Variants in PTPRN2 observed in about 807,000 individuals in gnomAD.
PTPRN2 encodes the protein receptor-type tyrosine-protein phosphatase N2.
PTPRN2 carries 74 observed loss-of-function variants against 118.8 expected under a neutral mutation model. That is an observed-to-expected ratio of 0.62 (90% CI 0.52 to 0.76). PTPRN2 has a LOEUF of 0.76. Ranked by LOEUF, PTPRN2 falls within the 30% of genes least tolerant of loss-of-function variation. The pLI, the probability that PTPRN2 is intolerant of heterozygous loss-of-function variation, is 0.00. For missense variants in PTPRN2, 1,481 were observed against 1,394.4 expected, an observed-to-expected ratio of 1.06 and a Z score of -0.99; for synonymous variants, 641 against 608.0, an observed-to-expected ratio of 1.05 and a Z score of -0.80.
At chr7:157,593,676 G>A (rs574407796) in intron 17 of PTPRN2, among the ~76,000 whole-genome samples, 6 of 152,330 alleles carry the variant, frequency 3.9e-5, no homozygotes, top group African/African-American at 1.4e-4. Context: ...TAAGGGCAGC[G>A]CTGGGACGGA....
intron 13 of PTPRN2, among the ~76,000 whole-genome samples, chr7:157,664,761 T>C (rs1448783567): frequency 6.6e-6 from 1 of 152,150 alleles, no homozygotes; most frequent in Non-Finnish European, 1.5e-5. Flanking sequence ...CCTGTCCGCC[T>C]ACACCCGCCA....
At chr7:157,822,587 T>A (rs183701628) in intron 12 of PTPRN2, among the ~76,000 whole-genome samples, 1 of 151,808 alleles carries the variant, frequency 6.6e-6, no homozygotes. Flanking sequence ...AATACACTTA[T>A]CCATTCATCC....
In PTPRN2 at chr7:157,603,687, C is replaced by T. The variant is rs1466949191; in HGVS notation, c.2418+315G>A. Among the ~76,000 whole-genome samples the T allele has an allele frequency of 2.6e-5, 4 of 152,292 alleles. No individual in the cohort carries two copies. The highest frequency in any genetic ancestry group is 1.9e-4 in the East Asian group (1 of 5,172). Reference sequence around the variant, plus strand: ...AATGTGTAGCTCCAGGAAAGAGGAACGGCACCCACTACGAACCTCTCCTAA... The same window carrying T: ...AATGTGTAGCTCCAGGAAAGAGGAATGGCACCCACTACGAACCTCTCCTAA... On this transcript the variant is annotated intron_variant, in intron 16 of 22. Coordinates refer to ENST00000389418, the MANE Select transcript of PTPRN2 (RefSeq NM_002847.5). This position sits in a 1 kb window ranked among gnomAD's most constrained non-coding sequence, Gnocchi z 5.4.
At chr7:158,166,095 A>G (rs1822944119) in intron 6 of PTPRN2, among the ~76,000 whole-genome samples, 1 of 152,146 alleles carries the variant, frequency 6.6e-6, no homozygotes, top group African/African-American at 2.4e-5. Flanking sequence ...TATGGATGAC[A>G]CAAGCTGTGG....
At chr7:157,941,884 C>T (rs1039185948) in intron 11 of PTPRN2, among the ~76,000 whole-genome samples, 1 of 152,172 alleles carries the variant, frequency 6.6e-6, no homozygotes, top group African/African-American at 2.4e-5. Context: ...CCCATCTCCT[C>T]ACAGGACACA....
At chr7:157,664,992 T>C (rs1402359857) in intron 13 of PTPRN2, among the ~76,000 whole-genome samples, 2 of 152,196 alleles carry the variant, frequency 1.3e-5, no homozygotes, top group African/African-American at 4.8e-5. Context: ...GTGAGGCCTG[T>C]GGGCCACACG....
At chr7:157,559,072 T>A (rs1196106679) in intron 21 of PTPRN2, among the ~76,000 whole-genome samples, 1 of 152,236 alleles carries the variant, frequency 6.6e-6, no homozygotes, top group Non-Finnish European at 1.5e-5. Flanking sequence ...CTCACGCAGT[T>A]GCTGTGCATT....
At chr7:158,165,285 T>G (rs1238085162) in intron 6 of PTPRN2, among the ~76,000 whole-genome samples, 6 of 152,062 alleles carry the variant, frequency 3.9e-5, no homozygotes, top group Non-Finnish European at 8.8e-5. Context: ...GAGCATGGCT[T>G]AGAACAGAGG....
rs1397839240 is a variant in PTPRN2, at chr7:158,072,054, T to TGC, written c.1723+9243_1723+9244insGC. Among the ~76,000 whole-genome samples the TGC allele has an allele frequency of 6.6e-5, 9 of 136,478 alleles. No individual in the cohort carries two copies. The South Asian group carries it at 7.5e-4, about 11-fold the overall frequency. The allele number at this position is 136,478 out of a possible 152,430, so 89.5% of individuals were successfully genotyped here. A position where few individuals can be genotyped will look rare whatever the true frequency, so the allele number is the denominator to read the frequency against. On this transcript the variant is annotated intron_variant, in intron 11 of 22. Coordinates refer to ENST00000389418, the MANE Select transcript of PTPRN2 (RefSeq NM_002847.5). ...GTGGAGGTGCTCGTGGTGGTGGAGG[T>TGC]TCCCGTGGTGGTGGAGGTGCTCGTG...
At chr7:158,068,111 T>G (rs2128912756) in intron 11 of PTPRN2, among the ~76,000 whole-genome samples, 1 of 151,892 alleles carries the variant, frequency 6.6e-6, no homozygotes, top group African/African-American at 2.4e-5. Context: ...TTGGTGGGGG[T>G]CCAGGCTGTG....
intron 11 of PTPRN2, among the ~76,000 whole-genome samples, chr7:157,927,895 G>A (rs1309082081): frequency 6.6e-6 from 1 of 152,116 alleles, no homozygotes; most frequent in Non-Finnish European, 1.5e-5. Flanking sequence ...ATTCACGCTT[G>A]TGGGCAATTC....
At chr7:158,495,361 G>A (rs1821754851) in intron 1 of PTPRN2, among the ~76,000 whole-genome samples, 1 of 152,206 alleles carries the variant, frequency 6.6e-6, no homozygotes, top group Admixed American at 6.5e-5. Context: ...ACATTCTGGA[G>A]AGAGAGCAGG....
chr7:157,803,040 C>T (rs1805415281), intron 12 of PTPRN2, among the ~76,000 whole-genome samples: 1 of 152,224 alleles, frequency 6.6e-6, no homozygotes, highest in African/African-American at 2.4e-5. Context: ...TCTCGGCTCA[C>T]TGCAACCTCC....
chr7:157,967,812 G>A (rs985158725), intron 11 of PTPRN2, among the ~76,000 whole-genome samples: 1 of 152,178 alleles, frequency 6.6e-6, no homozygotes, highest in Non-Finnish European at 1.5e-5. Context: ...TGAATGATCA[G>A]GAAAAATAAA....
rs916677698 is a variant in PTPRN2 at position 157,590,348 on chromosome 7, G to A, written c.2496+4890C>T. 6.6e-6 allele frequency among the ~76,000 whole-genome samples: 1 copy of A among 151,414 alleles called. No individual in the cohort carries two copies. The highest frequency in any genetic ancestry group is 1.5e-5 in the Non-Finnish European group (1 of 68,038). ...CTGAACTGTAACTCAGACTTCCACAGACCCCTCTGAGCTGGAGTAAGGACC... is the reference window on the plus strand; with the variant it reads ...CTGAACTGTAACTCAGACTTCCACAAACCCCTCTGAGCTGGAGTAAGGACC... On this transcript the variant is annotated intron_variant, in intron 17 of 22. Coordinates refer to ENST00000389418, the MANE Select transcript of PTPRN2 (RefSeq NM_002847.5). The surrounding 1 kb of genome is among the most constrained non-coding windows in gnomAD (Gnocchi z 4.0).
intron 11 of PTPRN2, among the ~76,000 whole-genome samples, chr7:158,033,656 T>C (rs1478710440): frequency 1.3e-5 from 2 of 152,218 alleles, no homozygotes; most frequent in African/African-American, 4.8e-5. Context: ...GAAACCTTGA[T>C]AGAAGCTCTG....
At chr7:157,769,723 C>T (rs759915613) in intron 12 of PTPRN2, among the ~76,000 whole-genome samples, 6 of 152,190 alleles carry the variant, frequency 3.9e-5, no homozygotes, top group Admixed American at 6.5e-5. Flanking sequence ...AACTCTCTTC[C>T]GCAGCTCCCT....
chr7:158,138,452 C>T lies in PTPRN2; in HGVS notation c.974G>A (p.Ser325Asn), dbSNP rs1130499. The change falls in exon 7 of 23, where the codon AGT becomes AAT. Residue 325 changes from serine (S) to asparagine (N), a missense_variant. Physicochemically the swap from Ser to Asn is conservative, Grantham distance 46. This residue lies in a region of PTPRN2 where 1,115 missense variants were observed against 994.2 expected (regional missense o/e 1.12). Coordinates refer to ENST00000389418, the MANE Select transcript of PTPRN2 (RefSeq NM_002847.5). ...QRQPAEVRGL[S>N]GLELDGMAEL... The stretch of plus-strand genomic sequence containing the variant: ...AGCCATGCCGTCCAGCTCCAGGCCA[C>T]TCAGGCCCCTCACCTCAGCCGGCTG... 512,839 of 1,612,652 alleles carry T rather than the reference C, an allele frequency of 0.32. 84,641 individuals carry two copies. The highest frequency in any genetic ancestry group is 0.51 in the East Asian group (22,945 of 44,836).
intron 11 of PTPRN2, among the ~76,000 whole-genome samples, chr7:158,074,355 AGGT>A (rs1812184727): frequency 6.6e-6 from 1 of 152,168 alleles, no homozygotes; most frequent in Admixed American, 6.5e-5. Context: ...AGGCGCAGGG[AGGT>A]GGTGGTGATT....
Sources: allele counts gnomAD v4.1 joint callset (sites outside exome capture counted in the v4.1 genomes callset), GRCh38; gene constraint gnomAD v4.1.1; regional missense constraint gnomAD v4.1.1; non-coding constraint Gnocchi (gnomAD v3.1); transcripts MANE v1.5; gene names NCBI Gene and HGNC (gene_info 2026-07-23, HGNC 2026-07-21).